The following HEPH variants were observed in gnomAD, a reference collection of about 807,000 sequenced individuals.
HEPH encodes the protein hephaestin.
In HEPH, 69 loss-of-function variants were observed where a neutral mutation model predicts 80.8. That is an observed-to-expected ratio of 0.85 (90% CI 0.70 to 1.04). The LOEUF (loss-of-function observed/expected upper bound fraction) is 1.04. HEPH is among the 50% of genes least tolerant of loss of function. The pLI, the probability that HEPH is intolerant of heterozygous loss-of-function variation, is 0.00. For synonymous variants in HEPH, 431 were observed against 322.8 expected (o/e 1.34, Z -3.60); for missense variants, 1,115 against 891.3 (o/e 1.25, Z -3.20).
chrX:66,217,719 C>T (rs759168229), intron 15 of HEPH, among the ~76,000 whole-genome samples: 115 of 111,655 alleles, frequency 1.0e-3, no homozygotes, highest in Admixed American at 2.6e-3. Flanking sequence ...GGCCTAAATG[C>T]TCCATTTAAA....
chrX:66,163,192 C>A (rs2086244541), upstream of HEPH, among the ~76,000 whole-genome samples: 1 of 110,765 alleles, frequency 9.0e-6, no homozygotes, highest in South Asian at 3.8e-4. Flanking sequence ...TGGGCCAAAT[C>A]CACAAAATCC....
At chrX:66,194,186 GA>G (rs72552359) in intron 8 of HEPH, among the ~76,000 whole-genome samples, 3 of 110,869 alleles carry the variant, frequency 2.7e-5, no homozygotes, top group Admixed American at 9.6e-5. Flanking sequence ...AGGCCAGATG[GA>G]AAAAAAACTT....
intron 4 of HEPH, among the ~76,000 whole-genome samples, chrX:66,180,358 A>G (rs943620815): frequency 5.4e-4 from 60 of 110,802 alleles, no homozygotes; most frequent in South Asian, 1.9e-3. Context: ...TCTTTCCTTC[A>G]TATATGATGC....
chrX:66,217,624 G>GA (rs1220344503), intron 15 of HEPH, among the ~76,000 whole-genome samples: 1 of 110,766 alleles, frequency 9.0e-6, no homozygotes, highest in African/African-American at 3.3e-5. Flanking sequence ...CAGCAACAAT[G>GA]AAAAAAAGCC....
At chrX:66,192,798 C>A in intron 7 of HEPH, among the ~76,000 whole-genome samples, 1 of 111,457 alleles carries the variant, frequency 9.0e-6, no homozygotes, top group Middle Eastern at 4.6e-3. Flanking sequence ...GAAGGAATTT[C>A]TCCAAGTTCT....
chrX:66,219,965 T>G (rs1602392397), intron 15 of HEPH, among the ~76,000 whole-genome samples: 1 of 111,707 alleles, frequency 9.0e-6, no homozygotes, highest in Middle Eastern at 4.6e-3. Context: ...TAGGTGGCTG[T>G]TTTTGTAGTA....
intron 15 of HEPH, among the ~76,000 whole-genome samples, chrX:66,232,096 A>G (rs1420375782): frequency 7.3e-5 from 8 of 109,568 alleles, no homozygotes; most frequent in Non-Finnish European, 1.5e-4. Context: ...ATTTGCATAT[A>G]TTGAACCAGC....
intron 15 of HEPH, among the ~76,000 whole-genome samples, chrX:66,208,631 C>CATATATATATAT (rs56924616): frequency 2.8e-5 from 1 of 35,109 alleles, no homozygotes; most frequent in Non-Finnish European, 6.1e-5. Flanking sequence ...TATATACATA[C>CATATATATATAT]ATATATATAT....
intron 15 of HEPH, among the ~76,000 whole-genome samples, chrX:66,246,053 T>A (rs994461855): frequency 3.6e-5 from 4 of 111,440 alleles, no homozygotes; most frequent in Non-Finnish European, 7.5e-5. Flanking sequence ...TGGGGGAACA[T>A]GGGGTTGTGC....
chrX:66,251,099 T>C, intron 15 of HEPH, among the ~76,000 whole-genome samples: 1 of 112,108 alleles, frequency 8.9e-6, no homozygotes, highest in Admixed American at 9.4e-5. Context: ...GCCAGGCTGG[T>C]CTCAAACTCC....
intron 9 of HEPH, among the ~76,000 whole-genome samples, chrX:66,197,259 A>T (rs1296651123): frequency 1.8e-5 from 2 of 110,527 alleles, no homozygotes; most frequent in Admixed American, 9.7e-5. Context: ...AAAAGAAAAA[A>T]ATTAAATAAT....
intron 15 of HEPH, among the ~76,000 whole-genome samples, chrX:66,214,814 T>C (rs1406592340): frequency 1.8e-5 from 2 of 111,474 alleles, no homozygotes; most frequent in Non-Finnish European, 3.8e-5. Flanking sequence ...TTTCTGTAAA[T>C]ATATTAATCA....
At chrX:66,235,698 A>G (rs1356423634) in intron 15 of HEPH, among the ~76,000 whole-genome samples, 2 of 112,006 alleles carry the variant, frequency 1.8e-5, no homozygotes, top group Admixed American at 9.5e-5. Context: ...TTGGTTCCAC[A>G]TGAATTTTAA....
intron 9 of HEPH, 125 bp downstream of exon 9, chrX:66,195,354 G>A (rs1317505032): frequency 1.1e-4 from 51 of 458,393 alleles, no homozygotes; most frequent in Non-Finnish European, 1.5e-4. Context: ...GGATGTTGTT[G>A]AATGAATGAA....
intron 15 of HEPH, among the ~76,000 whole-genome samples, chrX:66,242,131 A>G (rs1004558048): frequency 3.6e-5 from 4 of 111,291 alleles, no homozygotes; most frequent in Non-Finnish European, 7.6e-5. Flanking sequence ...CTACAAGGCT[A>G]TATTAACCAA....
chrX:66,223,443 A>T (rs1226485470), intron 15 of HEPH, among the ~76,000 whole-genome samples: 6 of 111,463 alleles, frequency 5.4e-5, no homozygotes, highest in Non-Finnish European at 1.1e-4. Context: ...TTTCACCTTT[A>T]TATTAGTATA....
At chrX:66,215,556 A>AACCTAAATTCT (rs1214091749) in intron 15 of HEPH, among the ~76,000 whole-genome samples, 7 of 111,963 alleles carry the variant, frequency 6.3e-5, no homozygotes, top group African/African-American at 2.3e-4. Flanking sequence ...TAATCAAGAT[A>AACCTAAATTCT]ACTGACCTAA....
intron 15 of HEPH, among the ~76,000 whole-genome samples, chrX:66,224,798 CT>C (rs968716125): frequency 9.1e-5 from 10 of 110,391 alleles, no homozygotes; most frequent in Non-Finnish European, 1.3e-4. Context: ...ATAGGGTACA[CT>C]TTTTTTTTCT....
intron 8 of HEPH, among the ~76,000 whole-genome samples, chrX:66,194,758 G>A (rs1395005489): frequency 8.1e-5 from 9 of 111,267 alleles, no homozygotes; most frequent in Non-Finnish European, 1.7e-4. Flanking sequence ...CTGGCCTCTG[G>A]TCCTGGCTGA....
Sources: allele counts gnomAD v4.1 joint callset (sites outside exome capture counted in the v4.1 genomes callset), GRCh38; gene constraint gnomAD v4.1.1; transcripts MANE v1.5; gene names NCBI Gene and HGNC (gene_info 2026-07-23, HGNC 2026-07-21).